The following FMNL2 variants were observed in gnomAD, a reference collection of about 807,000 sequenced individuals.
The protein encoded by FMNL2 is formin-like protein 2.
FMNL2 carries 51 observed loss-of-function variants against 130.2 expected under a neutral mutation model. That is an observed-to-expected ratio of 0.39 (90% CI 0.31 to 0.49). The LOEUF is 0.49. FMNL2 is among the 20% of genes least tolerant of loss of function. The pLI is 0.85. For synonymous variants in FMNL2, 465 were observed against 467.1 expected (o/e 1.00, Z 0.06); for missense variants, 977 against 1,316.2 (o/e 0.74, Z 3.99).
Position 152,496,905 on chromosome 2 carries a change from A to AT in FMNL2, c.118-25027dup, listed in dbSNP as rs113662131. Among the ~76,000 whole-genome samples the AT allele has an allele frequency of 2.7e-3, 389 of 145,800 alleles. 5 individuals carry two copies. The highest frequency in any genetic ancestry group is 7.5e-3 in the African/African-American group (299 of 39,920). On this transcript the variant is annotated intron_variant, in intron 1 of 25. Coordinates refer to ENST00000288670, the MANE Select transcript of FMNL2 (RefSeq NM_052905.4). Reference sequence around the variant, plus strand: ...ATAAGATGTTCCAAGCTTATCTTGGATTTTTTTTTTTCTTTTCCTGCTCCA... The same window carrying AT: ...ATAAGATGTTCCAAGCTTATCTTGGATTTTTTTTTTTTCTTTTCCTGCTCCA...
intron 1 of FMNL2, among the ~76,000 whole-genome samples, chr2:152,445,000 G>C (rs1327751541): frequency 1.3e-5 from 2 of 152,218 alleles, no homozygotes; most frequent in Non-Finnish European, 2.9e-5. Context: ...AAGCCAGTTG[G>C]GGGAGGTATC....
intron 1 of FMNL2, among the ~76,000 whole-genome samples, chr2:152,403,035 G>A (rs983963392): frequency 1.3e-5 from 2 of 152,114 alleles, no homozygotes; most frequent in African/African-American, 2.4e-5. Flanking sequence ...CAGGTGTTTT[G>A]TAGAATACCC....
intron 1 of FMNL2, among the ~76,000 whole-genome samples, chr2:152,396,564 G>T (rs1410574244): frequency 6.6e-6 from 1 of 152,184 alleles, no homozygotes; most frequent in African/African-American, 2.4e-5. Flanking sequence ...TCCTGGCTTA[G>T]ATGAGTCCTG....
At chr2:152,350,204 A>G (rs1682397328) in intron 1 of FMNL2, among the ~76,000 whole-genome samples, 1 of 152,160 alleles carries the variant, frequency 6.6e-6, no homozygotes, top group Non-Finnish European at 1.5e-5. Flanking sequence ...GAGTAGCCAG[A>G]GTACGATTTG....
chr2:152,429,199 A>C (rs1426278647), intron 1 of FMNL2, among the ~76,000 whole-genome samples: 1 of 149,842 alleles, frequency 6.7e-6, no homozygotes, highest in Non-Finnish European at 1.5e-5. Flanking sequence ...GGAAATTTAA[A>C]AAAGCCTTAG....
chr2:152,473,148 T>C (rs1220106406), intron 1 of FMNL2, among the ~76,000 whole-genome samples: 1 of 152,238 alleles, frequency 6.6e-6, no homozygotes, highest in African/African-American at 2.4e-5. Context: ...AAAAAGTATT[T>C]GTGCATTTCA....
At chr2:152,464,832 A>G (rs1318663082) in intron 1 of FMNL2, among the ~76,000 whole-genome samples, 4 of 152,160 alleles carry the variant, frequency 2.6e-5, no homozygotes, top group Admixed American at 6.5e-5. Flanking sequence ...TGCCTTTGAC[A>G]TTTGTGCTTA....
chr2:152,578,048 A>G (rs1440348474), intron 7 of FMNL2, among the ~76,000 whole-genome samples: 1 of 152,308 alleles, frequency 6.6e-6, no homozygotes, highest in Middle Eastern at 3.4e-3. Flanking sequence ...TCGTGAGCAG[A>G]TGCGAGGGAA....
intron 1 of FMNL2, among the ~76,000 whole-genome samples, chr2:152,518,172 A>T (rs567205340): frequency 5.3e-5 from 8 of 152,358 alleles, no homozygotes; most frequent in African/African-American, 1.9e-4. Flanking sequence ...AAAGGCAGTT[A>T]TTACCAGCTA....
chr2:152,473,705 T>C, intron 1 of FMNL2, among the ~76,000 whole-genome samples: 1 of 152,248 alleles, frequency 6.6e-6, no homozygotes, highest in Admixed American at 6.5e-5. Flanking sequence ...TCATATTGCA[T>C]ATGCAGACCC....
chr2:152,596,608 T>G lies in FMNL2; in HGVS notation c.877-10731T>G, dbSNP rs114995476. 9.5e-4 allele frequency among the ~76,000 whole-genome samples: 144 copies of G among 152,328 alleles called. 1 individual carries two copies. The highest frequency in any genetic ancestry group is 1.8e-3 in the Admixed American group (27 of 15,298). On this transcript the variant is annotated intron_variant, in intron 9 of 25. Coordinates refer to ENST00000288670, the MANE Select transcript of FMNL2 (RefSeq NM_052905.4). Reference sequence around the variant, plus strand: ...GTTTATGCAAGTTATATGTTGATATTTTCCATATTAGAAATTACAACAAAA... The same window carrying G: ...GTTTATGCAAGTTATATGTTGATATGTTCCATATTAGAAATTACAACAAAA...
chr2:152,526,452 C>T (rs1693390060), intron 2 of FMNL2, among the ~76,000 whole-genome samples: 1 of 152,150 alleles, frequency 6.6e-6, no homozygotes, highest in Non-Finnish European at 1.5e-5. Flanking sequence ...TCCCAAGTTC[C>T]AGGCTTTGAT....
intron 1 of FMNL2, among the ~76,000 whole-genome samples, chr2:152,434,661 T>A (rs1404739224): frequency 6.6e-6 from 1 of 151,966 alleles, no homozygotes; most frequent in Non-Finnish European, 1.5e-5. Context: ...GTAAGTTTTT[T>A]AACTGGCCTA....
At chr2:152,521,361 T>G (rs976205753) in intron 1 of FMNL2, among the ~76,000 whole-genome samples, 5 of 152,182 alleles carry the variant, frequency 3.3e-5, no homozygotes, top group African/African-American at 1.2e-4. Context: ...CTCACCTTCA[T>G]AAACCAATAT....
At chr2:152,425,604 T>G (rs1289861385) in intron 1 of FMNL2, among the ~76,000 whole-genome samples, 1 of 152,220 alleles carries the variant, frequency 6.6e-6, no homozygotes, top group Non-Finnish European at 1.5e-5. Context: ...AAAAAAGTAT[T>G]TTAACAAAAC....
rs2105774299 is a variant in FMNL2 at position 152,350,705 on chromosome 2, T to C, written c.117+14985T>C. On this transcript the variant is annotated intron_variant, in intron 1 of 25. Transcript: ENST00000288670. ...AGATTCTTTCCCTCTTTTTCTTTTT[T>C]ATATTTCCTTTACAAAATTATTGTA... Among the ~76,000 whole-genome samples the C allele has an allele frequency of 1.3e-5, 2 of 152,316 alleles. 1 individual carries two copies. The highest frequency in any genetic ancestry group is 4.8e-5 in the African/African-American group (2 of 41,574).
chr2:152,470,380 C>T (rs937120836), intron 1 of FMNL2, among the ~76,000 whole-genome samples: 2 of 152,148 alleles, frequency 1.3e-5, no homozygotes, highest in Non-Finnish European at 2.9e-5. Context: ...TGGTTGTCTT[C>T]TGAGAATATC....
intron 1 of FMNL2, among the ~76,000 whole-genome samples, chr2:152,349,133 C>A (rs1360964363): frequency 1.6e-5 from 2 of 125,784 alleles, no homozygotes; most frequent in African/African-American, 6.6e-5. Flanking sequence ...CCGCGCCCGG[C>A]CACTTCTAAG....
chr2:152,459,716 T>G (rs557704868), intron 1 of FMNL2, among the ~76,000 whole-genome samples: 2 of 152,266 alleles, frequency 1.3e-5, no homozygotes, highest in South Asian at 4.1e-4. Flanking sequence ...GATGAGGTAT[T>G]AAAAATAACA....
Sources: allele counts gnomAD v4.1 joint callset (sites outside exome capture counted in the v4.1 genomes callset), GRCh38; gene constraint gnomAD v4.1.1; transcripts MANE v1.5; gene names NCBI Gene and HGNC (gene_info 2026-07-23, HGNC 2026-07-21).